SSBP3: variants seen among roughly 807,000 people sequenced by gnomAD.
SSBP3 encodes single-stranded DNA-binding protein 3.
SSBP3 carries 5 observed loss-of-function variants against 69.6 expected under a neutral mutation model. The ratio of observed to expected loss-of-function variants is 0.07; its 90% CI spans 0.04 to 0.15. The LOEUF is 0.15. SSBP3 is among the 10% of genes least tolerant of loss of function. The pLI is 1.00. For missense variants in SSBP3, 312 were observed against 534.0 expected (o/e 0.58, Z 4.10); for synonymous variants, 196 against 193.4 (o/e 1.01, Z -0.11).
chr1:54,293,979 A>T (rs556966009), intron 4 of SSBP3, among the ~76,000 whole-genome samples: 134 of 151,954 alleles, frequency 8.8e-4, no homozygotes, highest in Non-Finnish European at 1.4e-3. Flanking sequence ...TCTACTAAAA[A>T]TACAAAAAAA....
chr1:54,311,679 A>C (rs1646005316), intron 4 of SSBP3, among the ~76,000 whole-genome samples: 1 of 152,104 alleles, frequency 6.6e-6, no homozygotes, highest in African/African-American at 2.4e-5. Context: ...GGGCAGCCTG[A>C]CCACACTGAG....
At chr1:54,225,494 GTATCATAATTACT>G in exon 18 of SSBP3, 1 of 1,119,318 alleles carries the variant, frequency 8.9e-7, no homozygotes, top group Non-Finnish European at 1.1e-6. Context: ...AAACTACAAT[GTATCATAATTACT>G]TTTTTTTCCT....
At chr1:54,389,311 G>A (rs213490) in intron 4 of SSBP3, among the ~76,000 whole-genome samples, 89,099 of 152,092 alleles carry the variant, frequency 0.59, 27,195 homozygotes, top group African/African-American at 0.74. Flanking sequence ...GGAGCCTTTT[G>A]AGTGAAGAGA....
chr1:54,345,986 C>CA (rs74870023), intron 4 of SSBP3, among the ~76,000 whole-genome samples: 35,761 of 134,114 alleles, frequency 0.27, 4,382 homozygotes, highest in Admixed American at 0.32. Context: ...CACAAAAATA[C>CA]AAAAAAAAAA....
chr1:54,306,001 A>G (rs557422162), intron 4 of SSBP3, among the ~76,000 whole-genome samples: 1 of 151,666 alleles, frequency 6.6e-6, no homozygotes, highest in Admixed American at 6.6e-5. Context: ...GGTCCAGGGG[A>G]AACACCACAT....
At chr1:54,239,272 G>T in intron 13 of SSBP3, 73 bp from the exon 14 acceptor site, 1 of 1,189,832 alleles carries the variant, frequency 8.4e-7, no homozygotes, top group South Asian at 1.4e-5. Flanking sequence ...CATGGCACTG[G>T]AACTCATTCT....
chr1:54,227,934 C>T (rs1644314868), intron 17 of SSBP3, among the ~76,000 whole-genome samples: 1 of 152,196 alleles, frequency 6.6e-6, no homozygotes, highest in Non-Finnish European at 1.5e-5. Flanking sequence ...AACCTTTCCC[C>T]ACTGGACAGA....
At chr1:54,242,210 C>G in exon 11 of SSBP3, 1 of 1,613,750 alleles carries the variant, frequency 6.2e-7, no homozygotes, top group East Asian at 2.2e-5. Flanking sequence ...AGCTCCCGGG[C>G]CCCTGAGAGA....
chr1:54,273,436 C>T (rs764314047), intron 5 of SSBP3, among the ~76,000 whole-genome samples: 1 of 152,226 alleles, frequency 6.6e-6, no homozygotes, highest in African/African-American at 2.4e-5. Context: ...CAGCCTGGCA[C>T]GTCAGGAGTA....
intron 4 of SSBP3, among the ~76,000 whole-genome samples, chr1:54,328,898 C>A (rs765736433): frequency 1.3e-5 from 2 of 152,176 alleles, no homozygotes; most frequent in Non-Finnish European, 2.9e-5. Context: ...GACGGTGGAA[C>A]GGGGAGCCAG....
intron 4 of SSBP3, among the ~76,000 whole-genome samples, chr1:54,362,963 C>T (rs1017948416): frequency 3.9e-5 from 6 of 152,096 alleles, no homozygotes; most frequent in Non-Finnish European, 8.8e-5. Context: ...TCACGGGGGG[C>T]GGGGCAGAGG....
At chr1:54,344,369 ATAATAAATACTT>A (rs1646655567) in intron 4 of SSBP3, among the ~76,000 whole-genome samples, 4 of 152,252 alleles carry the variant, frequency 2.6e-5, no homozygotes, top group African/African-American at 9.6e-5. Context: ...CAGTCTTGGC[ATAATAAATACTT>A]GTGCTTCTGC....
chr1:54,373,172 C>T (rs1647163257), intron 4 of SSBP3, among the ~76,000 whole-genome samples: 1 of 152,130 alleles, frequency 6.6e-6, no homozygotes, highest in Admixed American at 6.5e-5. Context: ...CCTCCAGGGC[C>T]CCCAGAACCA....
intron 4 of SSBP3, among the ~76,000 whole-genome samples, chr1:54,315,932 G>C (rs553875936): frequency 1.3e-5 from 2 of 152,126 alleles, no homozygotes; most frequent in Non-Finnish European, 2.9e-5. Flanking sequence ...AAAGTACTGG[G>C]ATTACAGGCA....
At position 54,318,005 on chromosome 1, in the gene SSBP3, T is replaced by C. The variant is rs537715063; in HGVS notation, c.277-36478A>G. Among the ~76,000 whole-genome samples the C allele has an allele frequency of 1.2e-4, 18 of 152,280 alleles. 1 individual carries two copies. The South Asian group carries it at 3.7e-3, about 32-fold the overall frequency. On this transcript the variant is annotated intron_variant, in intron 4 of 17. Coordinates refer to ENST00000610401, the Ensembl canonical transcript of SSBP3. ...CTGGTCTCGAACTCCTGACCTCAGG[T>C]GATCCACCTGCTTTGGCCTCCCAAA...
At chr1:54,355,928 C>T (rs917676229) in intron 4 of SSBP3, among the ~76,000 whole-genome samples, 7 of 152,180 alleles carry the variant, frequency 4.6e-5, no homozygotes, top group Admixed American at 1.3e-4. Flanking sequence ...CCCATTAACG[C>T]AGTGCTCGTG....
At chr1:54,267,042 G>A (rs1412373974) in intron 5 of SSBP3, among the ~76,000 whole-genome samples, 2 of 152,192 alleles carry the variant, frequency 1.3e-5, no homozygotes, top group Non-Finnish European at 2.9e-5. Context: ...TCCCAGCCTT[G>A]AGTTCTTTTG....
At chr1:54,412,045 T>C (rs1356924961) in intron 1 of SSBP3, among the ~76,000 whole-genome samples, 4 of 152,188 alleles carry the variant, frequency 2.6e-5, no homozygotes, top group Admixed American at 2.6e-4. Context: ...ATGGCTCTAT[T>C]TTCATTCACT....
intron 4 of SSBP3, among the ~76,000 whole-genome samples, chr1:54,323,528 C>T (rs1646250892): frequency 6.6e-6 from 1 of 152,202 alleles, no homozygotes; most frequent in Admixed American, 6.5e-5. Flanking sequence ...TCATCAGACC[C>T]TGTCCCAACA....
Sources: allele counts gnomAD v4.1 joint callset (sites outside exome capture counted in the v4.1 genomes callset), GRCh38; gene constraint gnomAD v4.1.1; transcripts MANE v1.5; gene names NCBI Gene and HGNC (gene_info 2026-07-23, HGNC 2026-07-21).